The following CASQ2 variants were observed in gnomAD, a reference collection of about 807,000 sequenced individuals.
CASQ2 encodes the protein calsequestrin-2.
CASQ2 carries 49 observed loss-of-function variants against 46.5 expected under a neutral mutation model. That is an observed-to-expected ratio of 1.05 (90% CI 0.84 to 1.34). The LOEUF (loss-of-function observed/expected upper bound fraction) is 1.34, where lower values mean the gene tolerates loss of function less well. Ranked by LOEUF, CASQ2 falls within the 40% of genes most tolerant of loss-of-function variation. The probability of loss-of-function intolerance (pLI) is 0.00; values close to 1 mark genes in which losing one functional copy is unlikely to be tolerated. For missense variants in CASQ2, 486 were observed against 481.3 expected (o/e 1.01, Z -0.09); for synonymous variants, 174 against 168.5 (o/e 1.03, Z -0.25).
intron 1 of CASQ2, among the ~76,000 whole-genome samples, chr1:115,747,231 G>A (rs1648420288): frequency 2.0e-5 from 3 of 152,106 alleles, no homozygotes; most frequent in Admixed American, 6.5e-5. Context: ...TGAAAAGGCT[G>A]TCTTTCATCC....
intron 5 of CASQ2, among the ~76,000 whole-genome samples, chr1:115,728,467 A>AG (rs747236622): frequency 2.6e-5 from 4 of 152,060 alleles, no homozygotes; most frequent in African/African-American, 4.8e-5. Flanking sequence ...TCTCAGGGGT[A>AG]GGGGGGTGAT....
chr1:115,740,631 G>A, intron 3 of CASQ2, 97 bp downstream of exon 3: 1 of 804,886 alleles, frequency 1.2e-6, no homozygotes, highest in South Asian at 1.4e-5. Flanking sequence ...CACAGATGAG[G>A]CCAGGTTCTC....
At chr1:115,726,953 G>GA in intron 6 of CASQ2, 39 bp downstream of exon 6, 3 of 607,796 alleles carry the variant, frequency 4.9e-6, no homozygotes, top group Non-Finnish European at 9.2e-6. Flanking sequence ...CCATTCCCCA[G>GA]ACCCCAGGCC....
intron 9 of CASQ2, 31 bp downstream of exon 9, chr1:115,705,161 T>A (rs1193331679): frequency 7.3e-7 from 1 of 1,368,136 alleles, no homozygotes; most frequent in Non-Finnish European, 1.0e-6. Context: ...TGACAGCAAC[T>A]GAGGGTGGGG....
intron 4 of CASQ2, among the ~76,000 whole-genome samples, chr1:115,737,050 G>A (rs978498989): frequency 1.3e-5 from 2 of 152,092 alleles, no homozygotes; most frequent in African/African-American, 4.8e-5. Flanking sequence ...TGGATGAAGA[G>A]GATAGAGGAA....
At chr1:115,711,391 C>T (rs1027781128) in intron 8 of CASQ2, among the ~76,000 whole-genome samples, 29 of 152,264 alleles carry the variant, frequency 1.9e-4, no homozygotes, top group African/African-American at 5.3e-4. Context: ...GTTGCTTAAC[C>T]GCTCCCCTTT....
intron 8 of CASQ2, among the ~76,000 whole-genome samples, chr1:115,714,062 G>A (rs140268012): frequency 2.0e-5 from 3 of 152,258 alleles, no homozygotes; most frequent in East Asian, 1.9e-4. Context: ...CTAACCTGAC[G>A]ACTTCATATA....
At chr1:115,751,349 T>C (rs1246028278) in intron 1 of CASQ2, among the ~76,000 whole-genome samples, 2 of 151,986 alleles carry the variant, frequency 1.3e-5, no homozygotes, top group Admixed American at 1.3e-4. Context: ...CCTTGTGATT[T>C]AAGGAGGTAG....
At chr1:115,704,853 C>T (rs150990114) in intron 9 of CASQ2, among the ~76,000 whole-genome samples, 4 of 152,272 alleles carry the variant, frequency 2.6e-5, no homozygotes, top group Non-Finnish European at 4.4e-5. Flanking sequence ...AACGATGGTC[C>T]CCACCCAGAA....
At chr1:115,749,028 A>G (rs1231801032) in intron 1 of CASQ2, among the ~76,000 whole-genome samples, 1 of 152,208 alleles carries the variant, frequency 6.6e-6, no homozygotes, top group African/African-American at 2.4e-5. Context: ...TTATTCTAAT[A>G]CAGCAGATCT....
chr1:115,717,412 A>G (rs995045450), intron 8 of CASQ2, among the ~76,000 whole-genome samples: 1 of 152,168 alleles, frequency 6.6e-6, no homozygotes, highest in Non-Finnish European at 1.5e-5. Flanking sequence ...CCTTACCCAG[A>G]TCAATCAATG....
At chr1:115,716,522 T>C (rs1654706185) in intron 8 of CASQ2, among the ~76,000 whole-genome samples, 1 of 152,204 alleles carries the variant, frequency 6.6e-6, no homozygotes, top group Non-Finnish European at 1.5e-5. Context: ...AAACTTTTAA[T>C]GTGAACAGAA....
chr1:115,754,250 C>T (rs750575315), intron 1 of CASQ2, among the ~76,000 whole-genome samples: 5 of 152,042 alleles, frequency 3.3e-5, no homozygotes, highest in African/African-American at 1.2e-4. Context: ...GGGGTTCAAG[C>T]GAGTATCGGG....
intron 1 of CASQ2, among the ~76,000 whole-genome samples, chr1:115,749,205 G>T (rs1184720043): frequency 6.6e-6 from 1 of 152,164 alleles, no homozygotes; most frequent in Non-Finnish European, 1.5e-5. Context: ...AAAATAAGAA[G>T]TTAACTCTGA....
chr1:115,746,484 T>C (rs1217858506), intron 1 of CASQ2, among the ~76,000 whole-genome samples: 1 of 152,228 alleles, frequency 6.6e-6, no homozygotes, highest in African/African-American at 2.4e-5. Flanking sequence ...CACGTCTTTG[T>C]CAGGACTTCG....
At chr1:115,701,575 G>A (rs954173941) in intron 10 of CASQ2, 149 bp from the exon 11 acceptor site, 4 of 698,146 alleles carry the variant, frequency 5.7e-6, no homozygotes, top group East Asian at 2.7e-5. Flanking sequence ...AATGCCAAAC[G>A]GCAAAACGGT....
At chr1:115,757,255 T>C (rs982786615) in intron 1 of CASQ2, among the ~76,000 whole-genome samples, 2 of 152,208 alleles carry the variant, frequency 1.3e-5, no homozygotes, top group Non-Finnish European at 2.9e-5. Flanking sequence ...TCCCCTGTAT[T>C]ACCGATATGT....
intron 1 of CASQ2, among the ~76,000 whole-genome samples, chr1:115,767,769 A>G (rs1226459893): frequency 6.6e-6 from 1 of 152,208 alleles, no homozygotes; most frequent in Non-Finnish European, 1.5e-5. Context: ...TATGCTGCTC[A>G]GAAGATCTGC....
chr1:115,711,704 G>A (rs1049708605), intron 8 of CASQ2, among the ~76,000 whole-genome samples: 4 of 151,876 alleles, frequency 2.6e-5, no homozygotes, highest in African/African-American at 7.3e-5. Context: ...ACCGAGGCTG[G>A]AGTGCAATGG....
Sources: gnomAD v4.1 joint callset for allele counts (sites outside exome capture counted in the v4.1 genomes callset) on GRCh38, gnomAD v4.1.1 for gene constraint, MANE v1.5 for transcripts, NCBI Gene and HGNC (gene_info 2026-07-23, HGNC 2026-07-21) for gene names.